Variants in DCSTAMP observed in about 807,000 individuals in gnomAD.
DCSTAMP encodes dendrocyte expressed seven transmembrane protein.
DCSTAMP carries 25 observed loss-of-function variants against 33.8 expected under a neutral mutation model. The ratio of observed to expected loss-of-function variants is 0.74; its 90% CI spans 0.54 to 1.03. The LOEUF is 1.03. Ranked by LOEUF, DCSTAMP falls within the 50% of genes least tolerant of loss-of-function variation. The pLI, the probability that DCSTAMP is intolerant of heterozygous loss-of-function variation, is 0.00. For missense variants in DCSTAMP, 531 were observed against 556.8 expected (o/e 0.95, Z 0.47); for synonymous variants, 245 against 216.7 (o/e 1.13, Z -1.15).
In DCSTAMP at chr8:104,356,256, GGCAGTCACTATTCAT is replaced by G; in HGVS notation, c.*61_*75del. ...CAACAATTCTCTTCAGGTCTAGGAT[GGCAGTCACTATTCAT>G]GCCGGATAATAGAGAACTATGTGAC... On this transcript the variant is annotated 3_prime_UTR_variant, in exon 4 of 4. Transcript: ENST00000297581. 1 of 1,531,242 alleles carries G rather than the reference GGCAGTCACTATTCAT, an allele frequency of 6.5e-7. No homozygotes were observed. The highest frequency in any genetic ancestry group is 8.9e-7 in the Non-Finnish European group (1 of 1,123,022). 94.9% of individuals were successfully genotyped at this position (1,531,242 alleles called of 1,614,324 possible).
Position 104,355,128 on chromosome 8 carries a change from A to C in DCSTAMP, c.1281A>C (p.Lys427Asn). ...ATCTGCATGCAAAGCTGCTTAAAAA[A>C]AGATCAAAGCAGCCGCTGGGAGAAG... ...IQYLHAKLLK[K>N]RSKQPLGEVK... The change falls in exon 3 of 4, where the codon AAA (lysine) becomes AAC (asparagine). Residue 427 changes from lysine (K) to asparagine (N), a missense_variant. Transcript: ENST00000297581. 6.2e-7 allele frequency: 1 copy of C among 1,614,158 alleles called. No individual in the cohort carries two copies. The highest frequency in any genetic ancestry group is 2.2e-5 in the East Asian group (1 of 44,880).
At chr8:104,348,423 C>G in intron 1 of DCSTAMP, 118 bp from the exon 2 acceptor site, 1 of 962,480 alleles carries the variant, frequency 1.0e-6, no homozygotes, top group Non-Finnish European at 1.5e-6. Context: ...GGAGAGGACA[C>G]AGGAAGAGTA....
chr8:104,352,881 G>T (rs1394737097), intron 2 of DCSTAMP, among the ~76,000 whole-genome samples: 1 of 152,148 alleles, frequency 6.6e-6, no homozygotes, highest in Non-Finnish European at 1.5e-5. Flanking sequence ...CCAGCAGCCA[G>T]CTTCTGCATG....
At chr8:104,347,624 A>C (rs1324157465) in intron 1 of DCSTAMP, among the ~76,000 whole-genome samples, 1 of 152,244 alleles carries the variant, frequency 6.6e-6, no homozygotes, top group Non-Finnish European at 1.5e-5. Context: ...GTCTGTGGTC[A>C]GCCGGTGGGC....
intron 1 of DCSTAMP, among the ~76,000 whole-genome samples, chr8:104,347,812 A>T (rs944278803): frequency 2.0e-5 from 3 of 152,128 alleles, no homozygotes; most frequent in African/African-American, 7.2e-5. Flanking sequence ...CTCAGAACTC[A>T]TGAATATATT....
rs143261429 is a variant in DCSTAMP, at chr8:104,355,023, G to A, written c.1176G>A (p.Leu392=). The A allele has an allele frequency of 1.8e-5, 29 of 1,613,978 alleles. No homozygotes were observed. The African/African-American group carries it at 3.3e-4, about 19-fold the overall frequency. ...TTTTGATATTAGTGATGCTGGGACT[G>A]TTGTCCTCTATCCTTATGCAACTTA... ...VILLILVMLG[L]LSSILMQLKI... The change falls in exon 3 of 4, where the codon CTG becomes CTA. Residue 392 remains leucine (L), a synonymous_variant. Coordinates refer to ENST00000297581, the MANE Select transcript of DCSTAMP (RefSeq NM_030788.4).
At chr8:104,342,135 G>A (rs887567293) in intron 1 of DCSTAMP, among the ~76,000 whole-genome samples, 3 of 152,190 alleles carry the variant, frequency 2.0e-5, no homozygotes, top group Admixed American at 1.3e-4. Flanking sequence ...CATTTCCGAG[G>A]TATAGAGGAA....
chr8:104,346,814 T>C (rs1810327143), intron 1 of DCSTAMP, among the ~76,000 whole-genome samples: 1 of 152,270 alleles, frequency 6.6e-6, no homozygotes. Flanking sequence ...GTTAACCTCA[T>C]TCGGCCTGAA....
At chr8:104,353,109 T>C (rs1398126816) in intron 2 of DCSTAMP, among the ~76,000 whole-genome samples, 3 of 152,154 alleles carry the variant, frequency 2.0e-5, no homozygotes, top group Non-Finnish European at 4.4e-5. Context: ...GTGGGCAGTG[T>C]GAGTAAAAAT....
At position 104,355,199 on chromosome 8, in the gene DCSTAMP, G is replaced by A. The variant is rs1338839325; in HGVS notation, c.1338+14G>A. The A allele has an allele frequency of 5.6e-6, 9 of 1,598,120 alleles. No homozygotes were observed. Among genetic ancestry groups the A allele is most frequent in the Admixed American group, 1.8e-5 (1 of 56,926 alleles). ...TATCTTACAAAGGTAAGGCCAAGAT[G>A]GTGGTGTAACCTCCAATTGAGGAAG... is the stretch of plus-strand genomic sequence containing the variant. On this transcript the variant is annotated intron_variant, in intron 3 of 3. Transcript: ENST00000297581.
intron 2 of DCSTAMP, among the ~76,000 whole-genome samples, chr8:104,350,640 C>T (rs142867854): frequency 3.7e-4 from 56 of 152,242 alleles, no homozygotes; most frequent in Admixed American, 5.9e-4. Context: ...GAGTTTCAGG[C>T]CTCGATTTAC....
intron 2 of DCSTAMP, among the ~76,000 whole-genome samples, chr8:104,353,708 T>C (rs1028211125): frequency 2.6e-5 from 4 of 152,202 alleles, no homozygotes; most frequent in Non-Finnish European, 5.9e-5. Context: ...GTTTCCAAAG[T>C]CTTCACAGGC....
Position 104,354,866 on chromosome 8 carries a change from T to C in DCSTAMP, c.1030-11T>C. The C allele has an allele frequency of 6.5e-7, 1 of 1,547,328 alleles. No individual in the cohort carries two copies. Among genetic ancestry groups the C allele is most frequent in the Non-Finnish European group, 8.8e-7 (1 of 1,130,174 alleles). On this transcript the variant is annotated splice_polypyrimidine_tract_variant and intron_variant, in intron 2 of 3. Coordinates refer to ENST00000297581, the MANE Select transcript of DCSTAMP (RefSeq NM_030788.4). ...GGCATGCATCATGATTATTTTATTC[T>C]TTCATTTTAGAAACAAGGAACTCAA...
chr8:104,356,079 G>T, intron 3 of DCSTAMP, 45 bp from the exon 4 acceptor site: 1 of 1,557,496 alleles, frequency 6.4e-7, no homozygotes, highest in South Asian at 1.2e-5. Context: ...CATTTAAAAT[G>T]ACTCCAACTC....
chr8:104,349,313 T>C lies in DCSTAMP; in HGVS notation c.761T>C (p.Phe254Ser), dbSNP rs756354649. The C allele has an allele frequency of 8.7e-6, 14 of 1,614,032 alleles. No homozygotes were observed. In the African/African-American group the frequency reaches 1.6e-4, roughly 18 times the overall value. ...TACATCACCAGACAATTTGTTCAGTTTGATGAAAGGGAGAGACATCAACAG... is the reference window on the plus strand; with the variant it reads ...TACATCACCAGACAATTTGTTCAGTCTGATGAAAGGGAGAGACATCAACAG... ...NIYITRQFVQ[F>S]DERERHQQRP... is the part of the protein sequence containing the mutation. The change falls in exon 2 of 4, where the codon TTT (phenylalanine) becomes TCT (serine). Residue 254 changes from phenylalanine to serine, a missense_variant. Physicochemically the swap from Phe to Ser is radical, Grantham distance 155. Transcript: ENST00000297581.
chr8:104,349,382 A>G lies in DCSTAMP; in HGVS notation c.830A>G (p.Tyr277Cys), dbSNP rs922352502. Reference protein sequence around the residue: ...LPLNKEERRKYVIIPTFWPTP... With the variant: ...LPLNKEERRKCVIIPTFWPTP... ...CTGAATAAGGAGGAAAGGAGGAAGT[A>G]TGTCATCATCCCGACTTTCTGGCCG... The change falls in exon 2 of 4, where the codon TAT (tyrosine) becomes TGT (cysteine). Residue 277 changes from tyrosine (Y) to cysteine (C), a missense_variant. Tyr to Cys is a radical substitution (Grantham distance 194). Coordinates refer to ENST00000297581, the MANE Select transcript of DCSTAMP (RefSeq NM_030788.4). The G allele has an allele frequency of 6.2e-7, 1 of 1,614,188 alleles. No homozygotes were observed. The highest frequency in any genetic ancestry group is 8.5e-7 in the Non-Finnish European group (1 of 1,180,040).
In DCSTAMP at chr8:104,348,722, C is replaced by A. The variant is rs1564065421; in HGVS notation, c.170C>A (p.Ser57Ter). ...LSVAACWFLP[S>*]IIAAAASWII... ...GTGGCCGCCTGCTGGTTTCTGCCAT[C>A]AATCATAGCGGCCGCTGCCTCCTGG... Residue 57 changes from serine to a stop codon, truncating the protein, a stop_gained, in exon 2 of 4, where the codon TCA (serine) becomes TAA (stop). Coordinates refer to ENST00000297581, the MANE Select transcript of DCSTAMP (RefSeq NM_030788.4). LOFTEE classifies it high-confidence loss of function. 1 of 1,614,060 alleles carries A rather than the reference C, an allele frequency of 6.2e-7. No homozygotes were observed. The highest frequency in any genetic ancestry group is 1.7e-5 in the Admixed American group (1 of 60,012).
At chr8:104,355,251 G>A in intron 3 of DCSTAMP, 66 bp downstream of exon 3, 1 of 1,512,086 alleles carries the variant, frequency 6.6e-7, no homozygotes, top group South Asian at 1.3e-5. Context: ...AAATGGGAAA[G>A]GGGACTTCGA....
chr8:104,355,954 T>C (rs1352662383), intron 3 of DCSTAMP, among the ~76,000 whole-genome samples, 170 bp from the exon 4 acceptor site: 2 of 152,188 alleles, frequency 1.3e-5, no homozygotes, highest in Non-Finnish European at 2.9e-5. Flanking sequence ...AATTGGGAAA[T>C]AGCCCATAGA....
Sources: gnomAD v4.1 joint callset for allele counts (sites outside exome capture counted in the v4.1 genomes callset) on GRCh38, gnomAD v4.1.1 for gene constraint, MANE v1.5 for transcripts, NCBI Gene and HGNC (gene_info 2026-07-23, HGNC 2026-07-21) for gene names.